Variants in TTC21B observed in about 807,000 individuals in gnomAD.
TTC21B encodes the protein tetratricopeptide repeat protein 21B.
A neutral mutation model predicts 175.1 loss-of-function variants in TTC21B; 127 were observed. That is an observed-to-expected ratio of 0.73 (90% CI 0.63 to 0.84). The LOEUF is 0.84. Ranked by LOEUF, TTC21B falls within the 40% of genes least tolerant of loss-of-function variation. The pLI, the probability that TTC21B is intolerant of heterozygous loss-of-function variation, is 0.00. For synonymous variants in TTC21B, 524 were observed against 524.5 expected (o/e 1.00, Z 0.01); for missense variants, 1,561 against 1,558.3 (o/e 1.00, Z -0.03).
intron 18 of TTC21B, 49 bp from the exon 19 acceptor site, chr2:165,907,833 T>C: frequency 2.3e-6 from 3 of 1,302,826 alleles, no homozygotes; most frequent in Non-Finnish European, 3.3e-6. Context: ...CTTAAATAAA[T>C]GTTTATATTT....
chr2:165,912,631 T>C lies in TTC21B; in HGVS notation c.2212-7A>G, dbSNP rs1197079208. On this transcript the variant is annotated splice_polypyrimidine_tract_variant and splice_region_variant and intron_variant, in intron 16 of 28. Transcript: ENST00000243344. Reference sequence around the variant, plus strand: ...CTACTATGGCTTCTTCAGGCTAATATTGCCAGACACAAAAAATAAGCAATA... The same window carrying C: ...CTACTATGGCTTCTTCAGGCTAATACTGCCAGACACAAAAAATAAGCAATA... The C allele has an allele frequency of 1.9e-6, 3 of 1,609,666 alleles. No homozygotes were observed. The highest frequency in any genetic ancestry group is 2.6e-6 in the Non-Finnish European group (3 of 1,176,066).
At chr2:165,889,102 T>G (rs1287187098) in intron 24 of TTC21B, among the ~76,000 whole-genome samples, 1 of 152,220 alleles carries the variant, frequency 6.6e-6, no homozygotes, top group East Asian at 1.9e-4. Context: ...ATAGCAATTT[T>G]CTTATTTTAT....
In TTC21B at chr2:165,945,912, T is replaced by A. The variant is rs115411054; in HGVS notation, c.263-222A>T. Among the ~76,000 whole-genome samples the A allele has an allele frequency of 0.015, 2,233 of 152,296 alleles. 68 individuals carry two copies. Among genetic ancestry groups the A allele is most frequent in the African/African-American group, 0.052 (2,150 of 41,544 alleles). On this transcript the variant is annotated intron_variant, in intron 3 of 28. Transcript: ENST00000243344. ...AATCTTAATGTTTTATTTAGCCCAA[T>A]ATATCTAAGATATAATTTCAATGCA... is the stretch of plus-strand genomic sequence containing the variant.
chr2:165,875,541 ACT>A (rs1300533237), intron 28 of TTC21B, among the ~76,000 whole-genome samples: 2 of 152,122 alleles, frequency 1.3e-5, no homozygotes, highest in Non-Finnish European at 2.9e-5. Flanking sequence ...ATATAAAGAG[ACT>A]CTACAAATTC....
intron 27 of TTC21B, among the ~76,000 whole-genome samples, chr2:165,877,713 G>A (rs1015878517): frequency 6.6e-6 from 1 of 152,076 alleles, no homozygotes; most frequent in African/African-American, 2.4e-5. Flanking sequence ...ATATATGTGT[G>A]TGTATATATA....
At chr2:165,952,722 A>T (rs1033889150) in intron 1 of TTC21B, among the ~76,000 whole-genome samples, 19 of 152,220 alleles carry the variant, frequency 1.2e-4, no homozygotes, top group Admixed American at 1.0e-3. Flanking sequence ...GAAAAACAAG[A>T]CATTTCAGCA....
At chr2:165,897,422 T>C (rs555985488) in intron 22 of TTC21B, among the ~76,000 whole-genome samples, 2 of 152,160 alleles carry the variant, frequency 1.3e-5, no homozygotes, top group African/African-American at 4.8e-5. Context: ...GAGAGAAAGA[T>C]GAGACAAAGG....
At chr2:165,931,946 A>G (rs1686926188) in intron 7 of TTC21B, 90 bp from the exon 8 acceptor site, 2 of 844,242 alleles carry the variant, frequency 2.4e-6, no homozygotes, top group Admixed American at 2.0e-5. Flanking sequence ...GCATTACCCT[A>G]CTAGTATTTT....
chr2:165,878,347 G>GGAGAGACAGC (rs1684735619), intron 27 of TTC21B, among the ~76,000 whole-genome samples: 1 of 152,102 alleles, frequency 6.6e-6, no homozygotes, highest in Non-Finnish European at 1.5e-5. Flanking sequence ...TATGCAATCA[G>GGAGAGACAGC]GAGAGACAGC....
At position 165,919,379 on chromosome 2, in the gene TTC21B, G is replaced by A. The variant is rs145436538; in HGVS notation, c.1571C>T (p.Ser524Phe). 1 of 1,614,094 alleles carries A rather than the reference G, an allele frequency of 6.2e-7. No homozygotes were observed. The change falls in exon 13 of 29, where the codon TCT (serine) becomes TTT (phenylalanine). Residue 524 changes from serine (S) to phenylalanine (F), a missense_variant. Coordinates refer to ENST00000243344, the MANE Select transcript of TTC21B (RefSeq NM_024753.5). ...NLQHCLEHNP[S>F]YADAHLLLAQ... ...TAGCAGCAGATGAGCATCAGCATAA[G>A]AGGGATTGTGTTCTAAGCAGTGCTG...
At chr2:165,919,514 T>G in intron 12 of TTC21B, 81 bp from the exon 13 acceptor site, 1 of 1,454,398 alleles carries the variant, frequency 6.9e-7, no homozygotes, top group Non-Finnish European at 9.6e-7. Context: ...GAAGAGTGTT[T>G]AGTTTACGGA....
At chr2:165,885,834 T>C (rs1684982660) in intron 25 of TTC21B, among the ~76,000 whole-genome samples, 1 of 152,238 alleles carries the variant, frequency 6.6e-6, no homozygotes. Flanking sequence ...GCAGACATCC[T>C]AAGACCTACA....
At chr2:165,927,671 G>GA (rs1452089598) in intron 11 of TTC21B, among the ~76,000 whole-genome samples, 1 of 151,534 alleles carries the variant, frequency 6.6e-6, no homozygotes, top group African/African-American at 2.4e-5. Context: ...GATTAATACT[G>GA]AAAAAAATGT....
intron 4 of TTC21B, among the ~76,000 whole-genome samples, chr2:165,944,575 A>G (rs953032313): frequency 2.6e-5 from 4 of 152,138 alleles, no homozygotes; most frequent in Admixed American, 6.5e-5. Context: ...CCAAGAAACC[A>G]TTGTCTAATT....
At chr2:165,915,140 T>C (rs550168861) in intron 15 of TTC21B, 61 bp downstream of exon 15, 9 of 1,360,508 alleles carry the variant, frequency 6.6e-6, no homozygotes, top group Non-Finnish European at 9.4e-6. Flanking sequence ...TAAAAAAAAA[T>C]TGGGAATTAA....
intron 20 of TTC21B, 72 bp from the exon 21 acceptor site, chr2:165,899,952 C>T (rs1685497443): frequency 1.5e-6 from 1 of 651,342 alleles, no homozygotes; most frequent in Non-Finnish European, 2.4e-6. Context: ...TACGTGGGTA[C>T]AGATTAAACT....
intron 25 of TTC21B, among the ~76,000 whole-genome samples, chr2:165,887,279 T>C (rs1306434613): frequency 1.3e-5 from 2 of 152,164 alleles, no homozygotes; most frequent in African/African-American, 2.4e-5. Context: ...TACAGCATCA[T>C]TGAATGGAAG....
chr2:165,898,164 T>A (rs1685434376), intron 22 of TTC21B, among the ~76,000 whole-genome samples: 1 of 152,156 alleles, frequency 6.6e-6, no homozygotes, highest in South Asian at 2.1e-4. Context: ...CACAGTTCCA[T>A]GCTGATTAGA....
chr2:165,897,817 AG>A (rs913311565), intron 22 of TTC21B, among the ~76,000 whole-genome samples: 1 of 152,218 alleles, frequency 6.6e-6, no homozygotes, highest in Non-Finnish European at 1.5e-5. Context: ...ATGGGGCAAA[AG>A]AAGAACTGAG....
Sources: gnomAD v4.1 joint callset for allele counts (sites outside exome capture counted in the v4.1 genomes callset) on GRCh38, gnomAD v4.1.1 for gene constraint, MANE v1.5 for transcripts, NCBI Gene and HGNC (gene_info 2026-07-23, HGNC 2026-07-21) for gene names.